The following TFCP2L1 variants were observed in gnomAD, a reference collection of about 807,000 sequenced individuals.
TFCP2L1 encodes the protein transcription factor CP2 like 1.
Under a neutral mutation model 72.2 loss-of-function variants are expected in TFCP2L1, and 12 were observed. That is an observed-to-expected ratio of 0.17 (90% CI 0.11 to 0.27). TFCP2L1 has a LOEUF of 0.27. TFCP2L1 is among the 10% of genes least tolerant of loss of function. The pLI is 1.00. For synonymous variants in TFCP2L1, 260 were observed against 251.0 expected, an observed-to-expected ratio of 1.04 and a Z score of -0.34; for missense variants, 488 against 624.6, an observed-to-expected ratio of 0.78 and a Z score of 2.33.
intron 1 of TFCP2L1, 25 bp from the exon 2 acceptor site, chr2:121,281,296 C>T: frequency 6.4e-7 from 1 of 1,571,518 alleles, no homozygotes. Flanking sequence ...AAGCAGAGGT[C>T]AGGAGCAGAG....
chr2:121,229,440 T>C (rs13385652), intron 13 of TFCP2L1, among the ~76,000 whole-genome samples: 3,007 of 152,292 alleles, frequency 0.02, 115 homozygotes, highest in African/African-American at 0.067. Context: ...GGAACATCCA[T>C]CTTGCTGGCC....
chr2:121,226,357 AC>A (rs546787068), intron 13 of TFCP2L1, among the ~76,000 whole-genome samples: 93 of 151,806 alleles, frequency 6.1e-4, no homozygotes, highest in African/African-American at 2.1e-3. Context: ...TCAAGATGTT[AC>A]CATTTAATAC....
At position 121,228,517 on chromosome 2, in the gene TFCP2L1, TGA is replaced by T. The variant is rs539384159; in HGVS notation, c.1342-2906_1342-2905del. ...GCTCACACCTGTAATCCCAGCACCT[TGA>T]GAGGCCAAGGCAGGTGAACTGCTTG... On this transcript the variant is annotated intron_variant, in intron 13 of 14. Transcript: ENST00000263707. Among the ~76,000 whole-genome samples, 254 of 151,000 alleles carry T rather than the reference TGA, an allele frequency of 1.7e-3. 2 individuals are homozygous for T. Among genetic ancestry groups the T allele is most frequent in the Non-Finnish European group, 3.3e-3 (225 of 67,850 alleles).
intron 1 of TFCP2L1, among the ~76,000 whole-genome samples, chr2:121,283,157 C>T (rs1687298407): frequency 6.6e-6 from 1 of 152,082 alleles, no homozygotes; most frequent in Non-Finnish European, 1.5e-5. Context: ...AAGAACCATC[C>T]CTCAACAGTA....
intron 2 of TFCP2L1, among the ~76,000 whole-genome samples, chr2:121,249,978 C>A (rs541709576): frequency 1.1e-4 from 16 of 152,312 alleles, no homozygotes; most frequent in Admixed American, 9.8e-4. Flanking sequence ...TCTTTACAAA[C>A]CCCCCAATAC....
chr2:121,256,215 C>T (rs553553789), intron 2 of TFCP2L1, among the ~76,000 whole-genome samples: 2 of 152,182 alleles, frequency 1.3e-5, no homozygotes, highest in African/African-American at 2.4e-5. Context: ...ATTTGATATT[C>T]GTTTCCTTGC....
intron 1 of TFCP2L1, among the ~76,000 whole-genome samples, chr2:121,283,129 G>A (rs1305751331): frequency 3.3e-5 from 5 of 152,084 alleles, no homozygotes; most frequent in Admixed American, 1.3e-4. Context: ...AAACAGGGGC[G>A]GGTGGGCAGA....
intron 6 of TFCP2L1, among the ~76,000 whole-genome samples, chr2:121,246,491 A>G (rs77137497): frequency 7.7e-6 from 1 of 129,988 alleles, no homozygotes; most frequent in South Asian, 2.6e-4. Context: ...TGCTTGGGAG[A>G]AAAAAAAGCT....
chr2:121,263,492 A>G (rs970231723), intron 2 of TFCP2L1, among the ~76,000 whole-genome samples: 5 of 144,130 alleles, frequency 3.5e-5, no homozygotes, highest in African/African-American at 1.3e-4. Flanking sequence ...AAAAAAAAAA[A>G]AGGGCATACA....
At chr2:121,246,003 A>G (rs531894616) in intron 6 of TFCP2L1, among the ~76,000 whole-genome samples, 1 of 152,328 alleles carries the variant, frequency 6.6e-6, no homozygotes, top group African/African-American at 2.4e-5. Context: ...TGGAATGAGC[A>G]CCAGGGCTGG....
chr2:121,236,244 G>A (rs1686247093), intron 10 of TFCP2L1, among the ~76,000 whole-genome samples: 1 of 152,176 alleles, frequency 6.6e-6, no homozygotes, highest in Non-Finnish European at 1.5e-5. Flanking sequence ...TACACAAGGT[G>A]CGTGTCTGCC....
chr2:121,216,737 GC>G lies in TFCP2L1; in HGVS notation c.*7603del, dbSNP rs1558719853. ...GCAGTAGGACAACTTTGAGCTCAAC[GC>G]CCACCTCCCCAGGACCTCTCACACC... On this transcript the variant is annotated 3_prime_UTR_variant, in exon 15 of 15. Transcript: ENST00000263707. The G allele has an allele frequency of 6.6e-6, 1 of 152,034 alleles. No homozygotes were observed. The highest frequency in any genetic ancestry group is 1.9e-4 in the East Asian group (1 of 5,182). The allele number at this position is 152,034 out of a possible 1,614,324, so 9.4% of individuals were successfully genotyped here.
rs1341032601 is a variant in TFCP2L1, at chr2:121,221,943, G to A, written c.*2398C>T. ...CTCATCCCTGGTAGTCTAGTGGTTA[G>A]GAAAACAGAAAACTTAAAAAAAAAA... On this transcript the variant is annotated 3_prime_UTR_variant, in exon 15 of 15. Coordinates refer to ENST00000263707, the MANE Select transcript of TFCP2L1 (RefSeq NM_014553.3). 2 of 105,414 alleles carry A rather than the reference G, an allele frequency of 1.9e-5. No homozygotes were observed. The highest frequency in any genetic ancestry group is 5.8e-5 in the African/African-American group (2 of 34,210). The allele number at this position is 105,414 out of a possible 1,614,324, so 6.5% of individuals were successfully genotyped here.
chr2:121,230,453 T>A (rs1251453430), intron 13 of TFCP2L1, among the ~76,000 whole-genome samples: 1 of 151,956 alleles, frequency 6.6e-6, no homozygotes, highest in East Asian at 2.0e-4. Context: ...ATTACAGGTG[T>A]GAGCCACCGC....
At chr2:121,272,022 A>G (rs1422728646) in intron 2 of TFCP2L1, among the ~76,000 whole-genome samples, 2 of 152,162 alleles carry the variant, frequency 1.3e-5, no homozygotes, top group Non-Finnish European at 2.9e-5. Flanking sequence ...CATCAGGAGT[A>G]CCAAGTGACA....
At chr2:121,248,873 T>G in intron 4 of TFCP2L1, 109 bp downstream of exon 4, 2 of 816,660 alleles carry the variant, frequency 2.4e-6, no homozygotes, top group Non-Finnish European at 3.7e-6. Context: ...ACAGAGCAGG[T>G]GCAAGCTAAA....
intron 11 of TFCP2L1, among the ~76,000 whole-genome samples, chr2:121,234,881 G>A (rs934375175): frequency 6.6e-6 from 1 of 152,206 alleles, no homozygotes; most frequent in African/African-American, 2.4e-5. Flanking sequence ...CTCAGCGGGG[G>A]AGCAGCTCCG....
intron 12 of TFCP2L1, 38 bp from the exon 13 acceptor site, chr2:121,232,006 C>A: frequency 6.5e-7 from 1 of 1,545,188 alleles, no homozygotes; most frequent in Non-Finnish European, 8.8e-7. Context: ...TTCCAAGTGG[C>A]CATTCTGTCA....
chr2:121,262,088 G>A (rs1686838057), intron 2 of TFCP2L1, among the ~76,000 whole-genome samples: 1 of 152,224 alleles, frequency 6.6e-6, no homozygotes, highest in South Asian at 2.1e-4. Flanking sequence ...GGCCAAGGCA[G>A]GAGGACTGTT....
Sources: gnomAD v4.1 joint callset for allele counts (sites outside exome capture counted in the v4.1 genomes callset) on GRCh38, gnomAD v4.1.1 for gene constraint, MANE v1.5 for transcripts, NCBI Gene and HGNC (gene_info 2026-07-23, HGNC 2026-07-21) for gene names.